The following CNTN3 variants were observed in gnomAD, a reference collection of about 807,000 sequenced individuals.
CNTN3 encodes contactin-3.
A neutral mutation model predicts 119.1 loss-of-function variants in CNTN3; 60 were observed. The ratio of observed to expected loss-of-function variants is 0.50; its 90% CI spans 0.41 to 0.62. The LOEUF (loss-of-function observed/expected upper bound fraction) is 0.62, where lower values mean the gene tolerates loss of function less well. Among genes scored for constraint, CNTN3 ranks in the 20% least tolerant of loss-of-function variants. CNTN3 has a pLI of 0.00. For synonymous variants in CNTN3, 450 were observed against 438.7 expected (o/e 1.03, Z -0.32); for missense variants, 1,101 against 1,242.4 (o/e 0.89, Z 1.71).
chr3:74,357,681 T>C (rs374690301), intron 11 of CNTN3, among the ~76,000 whole-genome samples: 6 of 152,168 alleles, frequency 3.9e-5, no homozygotes, highest in African/African-American at 1.4e-4. Flanking sequence ...TTAATCAAAA[T>C]GTATTTGCTG....
chr3:74,291,170 A>T (rs1043336526), intron 19 of CNTN3, among the ~76,000 whole-genome samples: 6 of 151,970 alleles, frequency 3.9e-5, no homozygotes, highest in African/African-American at 1.5e-4. Context: ...TGTCCTTGCA[A>T]TATGTTTGCT....
chr3:74,298,136 C>T lies in CNTN3; in HGVS notation c.2222G>A (p.Arg741His), dbSNP rs778470417. Residue 741 changes from arginine to histidine, a missense_variant, in exon 18 of 23, where the codon CGC (arginine) becomes CAC (histidine). Physicochemically the swap from Arg to His is conservative, Grantham distance 29 (BLOSUM62 0). Transcript: ENST00000263665. ...GATCCAGGTGGTAACCCCAAGAGGG[C>T]GGAAAGCAACAACATACCCAAAACC... The part of the protein sequence containing the change: ...GEGFGYVVAF[R>H]PLGVTTWIQT... 3.3e-5 allele frequency: 53 copies of T among 1,610,408 alleles called. No individual in the cohort carries two copies. Among genetic ancestry groups the T allele is most frequent in the East Asian group, 4.5e-5 (2 of 44,780 alleles).
intron 1 of CNTN3, among the ~76,000 whole-genome samples, chr3:74,580,457 C>A (rs1399071396): frequency 2.0e-5 from 3 of 151,860 alleles, no homozygotes; most frequent in Admixed American, 2.0e-4. Flanking sequence ...AATATTTTTT[C>A]AAGAAAAAAT....
chr3:74,416,553 T>C (rs1334698675), intron 5 of CNTN3, among the ~76,000 whole-genome samples: 2 of 152,140 alleles, frequency 1.3e-5, no homozygotes, highest in African/African-American at 4.8e-5. Flanking sequence ...TGTAGCAGGG[T>C]GGTGCTTAAA....
intron 4 of CNTN3, among the ~76,000 whole-genome samples, chr3:74,451,475 T>C (rs1425233619): frequency 2.6e-5 from 4 of 152,170 alleles, no homozygotes; most frequent in Non-Finnish European, 4.4e-5. Context: ...GCCTGTTCAC[T>C]CTGATGGTAG....
intron 4 of CNTN3, among the ~76,000 whole-genome samples, chr3:74,464,656 A>G (rs984194220): frequency 2.0e-5 from 3 of 152,232 alleles, no homozygotes; most frequent in Non-Finnish European, 2.9e-5. Context: ...CATATTATAT[A>G]GTTATGAGTT....
chr3:74,470,528 A>T (rs1702540562), intron 4 of CNTN3, among the ~76,000 whole-genome samples: 1 of 152,024 alleles, frequency 6.6e-6, no homozygotes, highest in Non-Finnish European at 1.5e-5. Flanking sequence ...TCACAGTCAG[A>T]CCTGGGCCCG....
At chr3:74,299,187 AACAGAG>A (rs1702404182) in intron 17 of CNTN3, among the ~76,000 whole-genome samples, 1 of 152,126 alleles carries the variant, frequency 6.6e-6, no homozygotes, top group African/African-American at 2.4e-5. Flanking sequence ...CAGACTGGGC[AACAGAG>A]CAAGACTGTC....
chr3:74,379,604 T>C (rs1317105462), intron 5 of CNTN3, among the ~76,000 whole-genome samples: 1 of 152,218 alleles, frequency 6.6e-6, no homozygotes, highest in Non-Finnish European at 1.5e-5. Context: ...TTGCATTCTG[T>C]ATCCTTTCTT....
chr3:74,311,996 G>A (rs945192278), intron 13 of CNTN3, among the ~76,000 whole-genome samples: 26 of 152,076 alleles, frequency 1.7e-4, no homozygotes, highest in African/African-American at 5.8e-4. Context: ...TCCACGAAGA[G>A]CCAATCATAG....
chr3:74,355,263 G>A (rs754603361), intron 11 of CNTN3, among the ~76,000 whole-genome samples: 1 of 152,004 alleles, frequency 6.6e-6, no homozygotes, highest in Non-Finnish European at 1.5e-5. Context: ...TTCAAATCAT[G>A]CCTCTAATCA....
intron 5 of CNTN3, among the ~76,000 whole-genome samples, chr3:74,420,270 A>G (rs1482040320): frequency 6.6e-6 from 1 of 152,222 alleles, no homozygotes; most frequent in Admixed American, 6.5e-5. Flanking sequence ...TATCAAATAG[A>G]TGGCAAATGC....
chr3:74,533,841 A>G (rs1441139072), intron 1 of CNTN3, among the ~76,000 whole-genome samples: 1 of 152,016 alleles, frequency 6.6e-6, no homozygotes, highest in Non-Finnish European at 1.5e-5. Context: ...ACACTCAACA[A>G]TATCTGAGGA....
chr3:74,309,727 AGATAATTGCTCT>A (rs1318013822), intron 13 of CNTN3, among the ~76,000 whole-genome samples: 1 of 152,214 alleles, frequency 6.6e-6, no homozygotes, highest in Non-Finnish European at 1.5e-5. Flanking sequence ...AAAAGGCTTC[AGATAATTGCTCT>A]GATTTCTCCT....
At chr3:74,304,221 T>A (rs1240306820) in intron 13 of CNTN3, among the ~76,000 whole-genome samples, 1 of 152,208 alleles carries the variant, frequency 6.6e-6, no homozygotes, top group Admixed American at 6.5e-5. Context: ...TGATTGATAG[T>A]TGTAATTAAA....
At chr3:74,292,906 C>T (rs1702261864) in intron 19 of CNTN3, among the ~76,000 whole-genome samples, 2 of 152,192 alleles carry the variant, frequency 1.3e-5, no homozygotes, top group Admixed American at 6.5e-5. Context: ...TCTTTCATTG[C>T]TTTCATCTAT....
chr3:74,568,968 AG>A (rs1177859523), intron 1 of CNTN3, among the ~76,000 whole-genome samples: 1 of 152,176 alleles, frequency 6.6e-6, no homozygotes, highest in Non-Finnish European at 1.5e-5. Context: ...TGGGCAAAGG[AG>A]ATGAACCTTG....
At chr3:74,463,561 A>G (rs1307625557) in intron 4 of CNTN3, among the ~76,000 whole-genome samples, 1 of 152,134 alleles carries the variant, frequency 6.6e-6, no homozygotes, top group Non-Finnish European at 1.5e-5. Flanking sequence ...CCTACACAAG[A>G]TGTCAAATGA....
intron 5 of CNTN3, among the ~76,000 whole-genome samples, chr3:74,396,728 G>C (rs1219144128): frequency 7.9e-6 from 1 of 126,988 alleles, no homozygotes; most frequent in Admixed American, 9.8e-5. Flanking sequence ...CCTGGCGACA[G>C]AGCGAGATTC....
Sources: gnomAD v4.1 joint callset for allele counts (sites outside exome capture counted in the v4.1 genomes callset) on GRCh38, gnomAD v4.1.1 for gene constraint, MANE v1.5 for transcripts, NCBI Gene and HGNC (gene_info 2026-07-23, HGNC 2026-07-21) for gene names.